Variants in ASIC2 observed in about 807,000 individuals in gnomAD.
ASIC2 encodes acid sensing ion channel subunit 2.
A neutral mutation model predicts 57.3 loss-of-function variants in ASIC2; 25 were observed. The ratio of observed to expected loss-of-function variants is 0.44; its 90% CI spans 0.32 to 0.61. ASIC2 has a LOEUF of 0.61. Ranked by LOEUF, ASIC2 falls within the 20% of genes least tolerant of loss-of-function variation. The pLI is 0.06. For missense variants in ASIC2, 641 were observed against 738.1 expected, an observed-to-expected ratio of 0.87 and a Z score of 1.52; for synonymous variants, 319 against 307.5, an observed-to-expected ratio of 1.04 and a Z score of -0.39.
intron 1 of ASIC2, among the ~76,000 whole-genome samples, chr17:33,376,833 G>C (rs541920407): frequency 1.3e-5 from 2 of 151,884 alleles, no homozygotes; most frequent in East Asian, 1.9e-4. Context: ...CTCATGTAGC[G>C]GTTGTTGGGC....
intron 1 of ASIC2, among the ~76,000 whole-genome samples, chr17:33,663,318 A>AAAT (rs1452220197): frequency 6.6e-6 from 1 of 152,184 alleles, no homozygotes; most frequent in African/African-American, 2.4e-5. Flanking sequence ...CTAAGATCAT[A>AAAT]AATATTTCTC....
chr17:34,067,822 A>G (rs1909227540), intron 1 of ASIC2, among the ~76,000 whole-genome samples: 1 of 152,228 alleles, frequency 6.6e-6, no homozygotes, highest in African/African-American at 2.4e-5. Context: ...TAATATGGTC[A>G]AATTTTTACC....
At chr17:33,751,933 CG>C (rs1260361571) in intron 1 of ASIC2, among the ~76,000 whole-genome samples, 1 of 3,394 alleles carries the variant, frequency 2.9e-4, no homozygotes, top group South Asian at 7.0e-3. Context: ...TTAGGGAAGC[CG>C]GGGGTGGGGG....
intron 1 of ASIC2, among the ~76,000 whole-genome samples, chr17:33,658,262 G>T (rs1907138062): frequency 6.6e-6 from 1 of 152,208 alleles, no homozygotes; most frequent in Non-Finnish European, 1.5e-5. Flanking sequence ...TCATCAGAAG[G>T]CCGGATGATC....
At chr17:33,342,366 TGACA>T (rs1166846240) in intron 1 of ASIC2, among the ~76,000 whole-genome samples, 1 of 149,148 alleles carries the variant, frequency 6.7e-6, no homozygotes, top group Non-Finnish European at 1.5e-5. Context: ...GTGTGTGTGC[TGACA>T]GACACATTTG....
At chr17:33,027,032 A>AT (rs2091862160) in intron 4 of ASIC2, among the ~76,000 whole-genome samples, 1 of 152,210 alleles carries the variant, frequency 6.6e-6, no homozygotes, top group Admixed American at 6.5e-5. Flanking sequence ...TATAGGTCTC[A>AT]TTGGTCCAGA....
At chr17:33,448,615 A>G (rs1054010989) in intron 1 of ASIC2, among the ~76,000 whole-genome samples, 2 of 152,064 alleles carry the variant, frequency 1.3e-5, no homozygotes, top group Non-Finnish European at 2.9e-5. Flanking sequence ...CAAAGAATGT[A>G]TTTTTCCCTA....
chr17:33,206,436 C>G (rs749908777), intron 1 of ASIC2, among the ~76,000 whole-genome samples: 4 of 152,106 alleles, frequency 2.6e-5, no homozygotes, highest in South Asian at 2.1e-4. Flanking sequence ...AAGGGTGAAG[C>G]CTTTGGACTA....
intron 1 of ASIC2, among the ~76,000 whole-genome samples, chr17:33,577,846 C>G (rs1353106892): frequency 6.6e-6 from 1 of 152,192 alleles, no homozygotes; most frequent in Non-Finnish European, 1.5e-5. Context: ...TGCCTAGGGC[C>G]TCTCCAAAGG....
At chr17:33,669,323 C>A (rs1455842544) in intron 1 of ASIC2, among the ~76,000 whole-genome samples, 1 of 152,198 alleles carries the variant, frequency 6.6e-6, no homozygotes, top group Non-Finnish European at 1.5e-5. Context: ...TGTATTACCT[C>A]AGCAGTATAT....
chr17:33,185,893 G>A (rs186693103), intron 1 of ASIC2, among the ~76,000 whole-genome samples: 1 of 152,276 alleles, frequency 6.6e-6, no homozygotes, highest in East Asian at 1.9e-4. Context: ...TGCTTCAGAA[G>A]TGGGGACAAA....
At chr17:33,324,608 C>A (rs1404246682) in intron 1 of ASIC2, among the ~76,000 whole-genome samples, 1 of 152,132 alleles carries the variant, frequency 6.6e-6, no homozygotes, top group Admixed American at 6.5e-5. Flanking sequence ...CCTGCTGCTT[C>A]CCGAGGAAGC....
intron 1 of ASIC2, among the ~76,000 whole-genome samples, chr17:33,273,355 T>C (rs2142159991): frequency 6.6e-6 from 1 of 152,372 alleles, no homozygotes; most frequent in South Asian, 2.1e-4. Flanking sequence ...TAGCTTTTTC[T>C]GTTTTTCCCA....
chr17:33,187,798 G>A (rs546713711), intron 1 of ASIC2, among the ~76,000 whole-genome samples: 1 of 151,004 alleles, frequency 6.6e-6, no homozygotes, highest in Non-Finnish European at 1.5e-5. Context: ...TAACTTAATT[G>A]CATCCCAGGA....
At chr17:33,318,078 G>T (rs1906728783) in intron 1 of ASIC2, among the ~76,000 whole-genome samples, 1 of 152,152 alleles carries the variant, frequency 6.6e-6, no homozygotes, top group African/African-American at 2.4e-5. Flanking sequence ...TCATTACAGA[G>T]ATTAAACATC....
intron 1 of ASIC2, among the ~76,000 whole-genome samples, chr17:33,323,312 A>G (rs1906942403): frequency 6.6e-6 from 1 of 152,234 alleles, no homozygotes; most frequent in African/African-American, 2.4e-5. Context: ...GAATAAATAA[A>G]TTGCGGTATA....
At chr17:33,996,866 AG>A (rs2142012900) in intron 1 of ASIC2, among the ~76,000 whole-genome samples, 1 of 152,282 alleles carries the variant, frequency 6.6e-6, no homozygotes, top group East Asian at 1.9e-4. Context: ...TGTAAATTTT[AG>A]GGTTGTTTGT....
chr17:33,280,986 A>C lies in ASIC2; in HGVS notation c.708+10422T>G, dbSNP rs535132505. Among the ~76,000 whole-genome samples, 4 of 152,328 alleles carry C rather than the reference A, an allele frequency of 2.6e-5. No individual in the cohort carries two copies. The East Asian group carries it at 5.8e-4, about 22-fold the overall frequency. On this transcript the variant is annotated intron_variant, in intron 1 of 9. Transcript: ENST00000225823. ...ACTTTCAGATCAGATATGCCATCAGAATCAGATGGGGATGGCCAGAATACA... is the reference window on the plus strand; with the variant it reads ...ACTTTCAGATCAGATATGCCATCAGCATCAGATGGGGATGGCCAGAATACA...
chr17:33,509,838 C>T (rs1914377027), intron 1 of ASIC2, among the ~76,000 whole-genome samples: 1 of 152,158 alleles, frequency 6.6e-6, no homozygotes, highest in Admixed American at 6.5e-5. Flanking sequence ...AGACTGGGAG[C>T]CAGGAGGCCT....
Sources: allele counts gnomAD v4.1 joint callset (sites outside exome capture counted in the v4.1 genomes callset), GRCh38; gene constraint gnomAD v4.1.1; transcripts MANE v1.5; gene names NCBI Gene and HGNC (gene_info 2026-07-23, HGNC 2026-07-21).